The following FRA10AC1 variants were observed in gnomAD, a reference collection of about 807,000 sequenced individuals.
The protein encoded by FRA10AC1 is protein FRA10AC1.
FRA10AC1 carries 43 observed loss-of-function variants against 56.5 expected under a neutral mutation model. That is an observed-to-expected ratio of 0.76 (90% CI 0.60 to 0.98). The LOEUF (loss-of-function observed/expected upper bound fraction) is 0.98. Ranked by LOEUF, FRA10AC1 falls within the 50% of genes least tolerant of loss-of-function variation. The pLI, the probability that FRA10AC1 is intolerant of heterozygous loss-of-function variation, is 0.00. For missense variants in FRA10AC1, 346 were observed against 351.8 expected, an observed-to-expected ratio of 0.98 and a Z score of 0.13; for synonymous variants, 112 against 110.5, an observed-to-expected ratio of 1.01 and a Z score of -0.09.
At chr10:93,690,429 A>T (rs1256589967) in intron 7 of FRA10AC1, among the ~76,000 whole-genome samples, 1 of 152,164 alleles carries the variant, frequency 6.6e-6, no homozygotes, top group Non-Finnish European at 1.5e-5. Context: ...CCATTTTTGA[A>T]AAATTGAGAA....
chr10:93,699,944 T>C (rs2059301487), intron 2 of FRA10AC1, 86 bp downstream of exon 2: 2 of 752,782 alleles, frequency 2.7e-6, no homozygotes, highest in African/African-American at 1.8e-5. Flanking sequence ...GTAAACAGAA[T>C]TCAAAAATTT....
At chr10:93,683,720 A>C (rs2058975119) in intron 10 of FRA10AC1, among the ~76,000 whole-genome samples, 1 of 152,158 alleles carries the variant, frequency 6.6e-6, no homozygotes, top group African/African-American at 2.4e-5. Flanking sequence ...TCCAGCTAAA[A>C]CACTGTCTAA....
At chr10:93,680,735 T>G (rs1448915035) in intron 11 of FRA10AC1, among the ~76,000 whole-genome samples, 2 of 152,206 alleles carry the variant, frequency 1.3e-5, no homozygotes, top group African/African-American at 4.8e-5. Flanking sequence ...AAAAAGCAAC[T>G]AGAAGTAACC....
At position 93,688,321 on chromosome 10, in the gene FRA10AC1, T is replaced by C. The variant is rs1391901215; in HGVS notation, c.466-872A>G. Reference sequence around the variant, plus strand: ...AGAAAAGGCAAAACTATGGAGGAAGTAGCAAGATCAGTAGTTGCCAGGGAT... The same window carrying C: ...AGAAAAGGCAAAACTATGGAGGAAGCAGCAAGATCAGTAGTTGCCAGGGAT... On this transcript the variant is annotated intron_variant, in intron 7 of 13. Coordinates refer to ENST00000359204, the MANE Select transcript of FRA10AC1 (RefSeq NM_145246.5). Among the ~76,000 whole-genome samples the C allele has an allele frequency of 3.3e-5, 5 of 152,252 alleles. No individual in the cohort carries two copies. In the South Asian group the frequency reaches 1.0e-3, roughly 32 times the overall value.
chr10:93,672,492 A>G (rs2058778205), intron 12 of FRA10AC1: 1 of 154,406 alleles, frequency 6.5e-6, no homozygotes, highest in African/African-American at 2.4e-5. Context: ...AAGCAGAGAA[A>G]AATTAATTAG....
chr10:93,679,436 A>AG (rs1339030230), intron 11 of FRA10AC1, among the ~76,000 whole-genome samples: 5 of 152,208 alleles, frequency 3.3e-5, no homozygotes, highest in African/African-American at 7.2e-5. Context: ...TGGGGGATGA[A>AG]ATCAGGAAAG....
rs1426157773 is a variant in FRA10AC1 at position 93,676,518 on chromosome 10, C to T, written c.826+135G>A. ...CTATACACTTTTGGCCTTTTTTCTA[C>T]AGTTTTTCTCATGTACAAAAATAAT... On this transcript the variant is annotated intron_variant, in intron 12 of 13. Transcript: ENST00000359204. 3.0e-6 allele frequency: 4 copies of T among 1,316,968 alleles called. No homozygotes were observed. In the African/African-American group the frequency reaches 4.6e-5, roughly 15 times the overall value. 81.6% of individuals were successfully genotyped at this position (1,316,968 alleles called of 1,614,324 possible).
intron 1 of FRA10AC1, among the ~76,000 whole-genome samples, chr10:93,701,051 G>A (rs1325932215): frequency 6.6e-6 from 1 of 152,066 alleles, no homozygotes; most frequent in Non-Finnish European, 1.5e-5. Flanking sequence ...GCCCACGCCG[G>A]TCTCAAACTC....
At chr10:93,678,844 C>G (rs1170709217) in intron 11 of FRA10AC1, among the ~76,000 whole-genome samples, 2 of 118,134 alleles carry the variant, frequency 1.7e-5, no homozygotes, top group African/African-American at 2.8e-5. Flanking sequence ...AGAACAAGAC[C>G]CTGTCTTACA....
intron 9 of FRA10AC1, among the ~76,000 whole-genome samples, chr10:93,684,751 A>C (rs746502067): frequency 6.6e-6 from 1 of 152,156 alleles, no homozygotes; most frequent in Non-Finnish European, 1.5e-5. Flanking sequence ...ACTCTAAAAC[A>C]TGCATCCTAA....
intron 1 of FRA10AC1, among the ~76,000 whole-genome samples, chr10:93,701,669 T>C (rs1322306833): frequency 6.6e-6 from 1 of 152,142 alleles, no homozygotes; most frequent in Admixed American, 6.5e-5. Context: ...GTTATTGCCT[T>C]ACACACCTGG....
At chr10:93,686,516 T>C (rs980754868) in intron 8 of FRA10AC1, among the ~76,000 whole-genome samples, 1 of 151,826 alleles carries the variant, frequency 6.6e-6, no homozygotes, top group African/African-American at 2.4e-5. Context: ...CTCATTATTT[T>C]AGATAAAAAC....
Position 93,698,175 on chromosome 10 carries a change from T to G in FRA10AC1, c.180A>C (p.Glu60Asp), listed in dbSNP as rs2059265128. ...QVAAELLDRE[E>D]ARNRRFHLIA... is the part of the protein sequence containing the mutation. The stretch of plus-strand genomic sequence containing the variant: ...TGAGATGAAACCTTCTATTTCTTGC[T>G]TCTTCCCTGTTAAAACAAATTTTTT... The change falls in exon 4 of 14, where the codon GAA becomes GAC. Residue 60 changes from glutamate (E) to aspartate (D), a missense_variant. By Grantham distance (45) the Glu-to-Asp change is conservative. Transcript: ENST00000359204. The G allele has an allele frequency of 1.9e-6, 3 of 1,583,674 alleles. No homozygotes were observed. The East Asian group carries it at 6.8e-5, about 36-fold the overall frequency.
chr10:93,698,700 A>G (rs748475402), intron 2 of FRA10AC1, among the ~76,000 whole-genome samples: 1 of 152,180 alleles, frequency 6.6e-6, no homozygotes, highest in Admixed American at 6.5e-5. Context: ...ATAAGATTCA[A>G]TTATTTATCT....
intron 5 of FRA10AC1, among the ~76,000 whole-genome samples, chr10:93,694,617 G>A (rs1020777246): frequency 4.7e-5 from 7 of 150,298 alleles, no homozygotes; most frequent in African/African-American, 1.7e-4. Context: ...GGGAGCCTGA[G>A]GTAGGAGAAT....
chr10:93,674,077 T>A (rs1258582040), intron 12 of FRA10AC1: 2 of 152,914 alleles, frequency 1.3e-5, no homozygotes, highest in African/African-American at 4.8e-5. Context: ...GCAAGGTGAC[T>A]AAAGATAACA....
At position 93,669,829 on chromosome 10, in the gene FRA10AC1, T is replaced by C. The variant is rs995274223; in HGVS notation, c.945A>G (p.Leu315=). 1.3e-6 allele frequency: 2 copies of C among 1,579,186 alleles called. No individual in the cohort carries two copies. Among genetic ancestry groups the C allele is most frequent in the South Asian group, 1.1e-5 (1 of 87,030 alleles). Residue 315 remains leucine, a synonymous_variant, in exon 14 of 14, where the codon CTA becomes CTG. Transcript: ENST00000359204. ...EFDEYFQDLF[L] is the part of the protein sequence containing the mutation. ...GCGGAGGCTTCTCTCTCTCGTCTCA[T>C]AGAAACAAATCCTGAAAATACTCAT...
At chr10:93,674,987 A>T (rs963512920) in intron 12 of FRA10AC1, 3 of 152,286 alleles carry the variant, frequency 2.0e-5, no homozygotes, top group Non-Finnish European at 2.9e-5. Context: ...TTATACTTGA[A>T]TGTATTTTCG....
intron 11 of FRA10AC1, 51 bp from the exon 12 acceptor site, chr10:93,676,742 A>G: frequency 6.6e-7 from 1 of 1,513,536 alleles, no homozygotes; most frequent in East Asian, 2.4e-5. Flanking sequence ...TAATAGTGCA[A>G]TCATTGTAGC....
Sources: allele counts gnomAD v4.1 joint callset (sites outside exome capture counted in the v4.1 genomes callset), GRCh38; gene constraint gnomAD v4.1.1; transcripts MANE v1.5; gene names NCBI Gene and HGNC (gene_info 2026-07-23, HGNC 2026-07-21).